TBC1D4: variants seen among roughly 807,000 people sequenced by gnomAD.
TBC1D4 encodes TBC (Tre-2, BUB2, CDC16) domain-containing protein.
Under a neutral mutation model 142.5 loss-of-function variants are expected in TBC1D4, and 121 were observed. The ratio of observed to expected loss-of-function variants is 0.85; its 90% CI spans 0.73 to 0.99. The LOEUF (loss-of-function observed/expected upper bound fraction) is 0.99. Among genes scored for constraint, TBC1D4 ranks in the 50% least tolerant of loss-of-function variants. The pLI is 0.00. For synonymous variants in TBC1D4, 630 were observed against 628.2 expected, an observed-to-expected ratio of 1.00 and a Z score of -0.04; for missense variants, 1,475 against 1,606.6, an observed-to-expected ratio of 0.92 and a Z score of 1.40.
intron 1 of TBC1D4, among the ~76,000 whole-genome samples, chr13:75,376,594 G>T (rs1167763945): frequency 6.6e-6 from 1 of 152,148 alleles, no homozygotes; most frequent in African/African-American, 2.4e-5. Context: ...TGTTGGCCAG[G>T]CTGGTCTCGA....
intron 3 of TBC1D4, among the ~76,000 whole-genome samples, chr13:75,356,765 T>C (rs2138147682): frequency 6.6e-6 from 1 of 152,314 alleles, no homozygotes; most frequent in African/African-American, 2.4e-5. Flanking sequence ...AAAAGACTGA[T>C]ATGTTATAGA....
At chr13:75,381,047 GA>G (rs1232498558) in intron 1 of TBC1D4, among the ~76,000 whole-genome samples, 2 of 152,100 alleles carry the variant, frequency 1.3e-5, no homozygotes, top group Non-Finnish European at 2.9e-5. Flanking sequence ...ATAAAATAGG[GA>G]TAATACCTGT....
chr13:75,414,166 G>A lies in TBC1D4; in HGVS notation c.499-51559C>T, dbSNP rs138053857. 6.6e-5 allele frequency among the ~76,000 whole-genome samples: 10 copies of A among 152,308 alleles called. No homozygotes were observed. In the East Asian group the frequency reaches 1.9e-3, roughly 29 times the overall value. Reference sequence around the variant, plus strand: ...ATGTCATGTCAGTGACATGTCAGAGGGAGGGTGGTAGGCCTAGGCCACTGA... The same window carrying A: ...ATGTCATGTCAGTGACATGTCAGAGAGAGGGTGGTAGGCCTAGGCCACTGA... On this transcript the variant is annotated intron_variant, in intron 1 of 20. Transcript: ENST00000377636.
intron 4 of TBC1D4, among the ~76,000 whole-genome samples, chr13:75,352,253 G>A (rs1881662257): frequency 6.6e-6 from 1 of 152,124 alleles, no homozygotes; most frequent in African/African-American, 2.4e-5. Flanking sequence ...TCAGATGTAA[G>A]AGAAAGATAA....
intron 11 of TBC1D4, among the ~76,000 whole-genome samples, chr13:75,321,160 G>C (rs188950524): frequency 4.3e-4 from 65 of 152,074 alleles, no homozygotes; most frequent in Non-Finnish European, 6.9e-4. Flanking sequence ...GTATTCAACT[G>C]ACAAGAAAAT....
At chr13:75,327,054 G>A (rs1007226598) in intron 9 of TBC1D4, among the ~76,000 whole-genome samples, 5 of 152,114 alleles carry the variant, frequency 3.3e-5, no homozygotes, top group African/African-American at 4.8e-5. Context: ...AATGAAAACC[G>A]AGCTATGCTG....
intron 5 of TBC1D4, among the ~76,000 whole-genome samples, chr13:75,348,510 T>G (rs1027276799): frequency 1.3e-5 from 2 of 152,216 alleles, no homozygotes; most frequent in African/African-American, 4.8e-5. Flanking sequence ...TAAATTGTGT[T>G]TTTTGTCTTG....
At chr13:75,395,071 C>CA (rs913186805) in intron 1 of TBC1D4, among the ~76,000 whole-genome samples, 5 of 152,072 alleles carry the variant, frequency 3.3e-5, no homozygotes, top group Non-Finnish European at 5.9e-5. Flanking sequence ...TGTGTGAAAT[C>CA]AAAAAATATT....
intron 1 of TBC1D4, among the ~76,000 whole-genome samples, chr13:75,444,881 T>C (rs1299888982): frequency 6.6e-6 from 1 of 152,234 alleles, no homozygotes; most frequent in African/African-American, 2.4e-5. Context: ...GAAAAAATGA[T>C]ATTAATGGCT....
At chr13:75,474,328 T>TG (rs1427816889) in intron 1 of TBC1D4, among the ~76,000 whole-genome samples, 1 of 152,176 alleles carries the variant, frequency 6.6e-6, no homozygotes, top group African/African-American at 2.4e-5. Context: ...GGGAGGCCTA[T>TG]GCGGGCGGAT....
At chr13:75,393,047 G>A (rs532567210) in intron 1 of TBC1D4, among the ~76,000 whole-genome samples, 3 of 151,174 alleles carry the variant, frequency 2.0e-5, no homozygotes, top group Non-Finnish European at 4.4e-5. Context: ...ATGTAGACCT[G>A]CAGTCATTTC....
chr13:75,334,518 A>G (rs1566391091), intron 8 of TBC1D4, among the ~76,000 whole-genome samples: 2 of 152,008 alleles, frequency 1.3e-5, no homozygotes, highest in Admixed American at 6.6e-5. Context: ...TTATATTGAT[A>G]CCTCCAAGTT....
chr13:75,365,825 A>G (rs1474733706), intron 1 of TBC1D4, among the ~76,000 whole-genome samples: 1 of 152,176 alleles, frequency 6.6e-6, no homozygotes, highest in African/African-American at 2.4e-5. Flanking sequence ...GGCTCAGAAG[A>G]ACTTGAATGA....
intron 11 of TBC1D4, 122 bp downstream of exon 11, chr13:75,324,115 A>C (rs1271215179): frequency 1.7e-6 from 2 of 1,151,296 alleles, no homozygotes; most frequent in Admixed American, 1.9e-5. Flanking sequence ...GAAACAGATT[A>C]GAACAAGCAC....
chr13:75,289,142 CT>C, intron 19 of TBC1D4, 32 bp from the exon 20 acceptor site: 1 of 1,611,874 alleles, frequency 6.2e-7, no homozygotes, highest in Non-Finnish European at 8.5e-7. Context: ...TTAGGCTAGC[CT>C]TTGGTATGTA....
At chr13:75,374,186 G>A (rs973472287) in intron 1 of TBC1D4, among the ~76,000 whole-genome samples, 4 of 152,026 alleles carry the variant, frequency 2.6e-5, no homozygotes, top group Non-Finnish European at 5.9e-5. Context: ...GCCAGGCCCT[G>A]CCCACTCTGA....
chr13:75,437,185 T>C lies in TBC1D4; in HGVS notation c.498+44085A>G, dbSNP rs144571151. Among the ~76,000 whole-genome samples, 462 of 152,296 alleles carry C rather than the reference T, an allele frequency of 3.0e-3. 3 individuals carry two copies. Among genetic ancestry groups the C allele is most frequent in the African/African-American group, 9.5e-3 (396 of 41,568 alleles). On this transcript the variant is annotated intron_variant, in intron 1 of 20. Transcript: ENST00000377636. ...ACTGAGATCACTGGTGAAATCTGAA[T>C]GGGGTCTGTGGATTAAATGGTAACA... is the stretch of plus-strand genomic sequence containing the variant.
chr13:75,369,519 A>ACACACACC (rs1368633022), intron 1 of TBC1D4, among the ~76,000 whole-genome samples: 66 of 139,174 alleles, frequency 4.7e-4, no homozygotes, highest in African/African-American at 1.4e-3. Flanking sequence ...ACACACACAC[A>ACACACACC]CACACAATCA....
At chr13:75,382,094 C>T (rs533075893) in intron 1 of TBC1D4, among the ~76,000 whole-genome samples, 17 of 69,396 alleles carry the variant, frequency 2.4e-4, no homozygotes, top group Admixed American at 1.3e-3. Context: ...TTAGCTCTTT[C>T]CACTTGGCGA....
Sources: allele counts gnomAD v4.1 joint callset (sites outside exome capture counted in the v4.1 genomes callset), GRCh38; gene constraint gnomAD v4.1.1; transcripts MANE v1.5; gene names NCBI Gene and HGNC (gene_info 2026-07-23, HGNC 2026-07-21).